TEX9: variants seen among roughly 807,000 people sequenced by gnomAD.
TEX9 encodes the protein testis expressed 9.
TEX9 carries 74 observed loss-of-function variants against 59.6 expected under a neutral mutation model. The ratio of observed to expected loss-of-function variants is 1.24; its 90% confidence interval spans 1.03 to 1.51. The LOEUF (loss-of-function observed/expected upper bound fraction) is 1.51, where lower values mean the gene tolerates loss of function less well. Ranked by LOEUF, TEX9 falls within the 40% of genes most tolerant of loss-of-function variation. The pLI is 0.00. For missense variants in TEX9, 522 were observed against 447.8 expected (o/e 1.17, Z -1.49); for synonymous variants, 186 against 152.2 (o/e 1.22, Z -1.64).
chr15:56,318,553 G>A (rs1489903719), intron 1 of TEX9, among the ~76,000 whole-genome samples: 6 of 151,884 alleles, frequency 4.0e-5, no homozygotes, highest in Non-Finnish European at 5.9e-5. Context: ...ATTTATGTCT[G>A]CTATTCTCCA....
intron 1 of TEX9, among the ~76,000 whole-genome samples, chr15:56,354,558 AT>A (rs2141889360): frequency 6.6e-6 from 1 of 152,348 alleles, no homozygotes; most frequent in South Asian, 2.1e-4. Context: ...AGATTATTAC[AT>A]AATAATAACA....
At chr15:56,245,873 C>CGT (rs142582150) in intron 1 of TEX9, among the ~76,000 whole-genome samples, 4 of 151,942 alleles carry the variant, frequency 2.6e-5, no homozygotes, top group Non-Finnish European at 5.9e-5. Flanking sequence ...TATATATATA[C>CGT]GTGTGTGTGT....
At chr15:56,315,860 T>G (rs1441245090) in intron 1 of TEX9, among the ~76,000 whole-genome samples, 1 of 150,148 alleles carries the variant, frequency 6.7e-6, no homozygotes, top group African/African-American at 2.4e-5. Flanking sequence ...CTTTTTATTA[T>G]TTTTTCTCTA....
intron 2 of TEX9, among the ~76,000 whole-genome samples, chr15:56,367,802 G>A (rs1241138069): frequency 2.6e-5 from 4 of 152,076 alleles, no homozygotes; most frequent in African/African-American, 9.7e-5. Flanking sequence ...TATATAATAA[G>A]TGGAATTTTT....
At chr15:56,273,093 A>G (rs1386350131) in intron 1 of TEX9, among the ~76,000 whole-genome samples, 1 of 151,972 alleles carries the variant, frequency 6.6e-6, no homozygotes, top group African/African-American at 2.4e-5. Context: ...AACTGGGACT[A>G]CAGGCATGTG....
intron 1 of TEX9, among the ~76,000 whole-genome samples, chr15:56,322,083 A>G (rs988329711): frequency 5.3e-5 from 8 of 152,142 alleles, no homozygotes; most frequent in African/African-American, 1.9e-4. Context: ...ATGTAAATTT[A>G]AAAATAAAGG....
Position 56,383,333 on chromosome 15 carries a change from G to T in TEX9, c.184-619G>T, listed in dbSNP as rs530542353. Among the ~76,000 whole-genome samples, 109 of 152,298 alleles carry T rather than the reference G, an allele frequency of 7.2e-4. 1 individual carries two copies. Among genetic ancestry groups the T allele is most frequent in the African/African-American group, 2.6e-3 (107 of 41,564 alleles). On this transcript the variant is annotated intron_variant, in intron 3 of 12. Transcript: ENST00000352903. ...AACCTTCTTCAATGCCTCTTTCAATGATATGAAGTTAAAACCAGGTACTGT... is the reference window on the plus strand; with the variant it reads ...AACCTTCTTCAATGCCTCTTTCAATTATATGAAGTTAAAACCAGGTACTGT...
chr15:56,383,853 C>A, intron 3 of TEX9, 99 bp from the exon 4 acceptor site: 1 of 827,764 alleles, frequency 1.2e-6, no homozygotes, highest in Non-Finnish European at 1.9e-6. Flanking sequence ...AAACCTTGGA[C>A]AATTCTGAAA....
At position 56,444,556 on chromosome 15, in the gene TEX9, C is replaced by G. The variant is rs777078063; in HGVS notation, c.*30-1115C>G. The G allele has an allele frequency of 2.2e-5, 36 of 1,612,508 alleles. No individual in the cohort carries two copies. The highest frequency in any genetic ancestry group is 5.0e-5 in the Admixed American group (3 of 59,900). Reference sequence around the variant, plus strand: ...TTTTCTTGTTCTTCAAGTTGTTTCTCTAAGTCAAGATAGTACTGTGCTTTC... The same window carrying G: ...TTTTCTTGTTCTTCAAGTTGTTTCTGTAAGTCAAGATAGTACTGTGCTTTC... On this transcript the variant is annotated intron_variant, in intron 12 of 12. Transcript: ENST00000352903.
At chr15:56,280,675 C>T (rs2044794527) in intron 1 of TEX9, among the ~76,000 whole-genome samples, 1 of 152,202 alleles carries the variant, frequency 6.6e-6, no homozygotes, top group Non-Finnish European at 1.5e-5. Flanking sequence ...TTTAATCTCA[C>T]AGAATTGACT....
At chr15:56,444,611 C>A in intron 12 of TEX9, 1 of 1,613,128 alleles carries the variant, frequency 6.2e-7, no homozygotes, top group Non-Finnish European at 8.5e-7. Flanking sequence ...CTGCAGCATT[C>A]TCTTCCTTTA....
At chr15:56,307,908 A>G (rs1285935105) in intron 1 of TEX9, among the ~76,000 whole-genome samples, 2 of 152,216 alleles carry the variant, frequency 1.3e-5, no homozygotes, top group African/African-American at 4.8e-5. Flanking sequence ...AGTTTGGATC[A>G]ATACATTTAT....
At chr15:56,329,655 G>T (rs1232023943) in intron 1 of TEX9, among the ~76,000 whole-genome samples, 3 of 152,048 alleles carry the variant, frequency 2.0e-5, no homozygotes, top group African/African-American at 7.2e-5. Flanking sequence ...ACATACTGAA[G>T]AATGCATCGA....
chr15:56,345,738 C>G (rs1447941600), intron 1 of TEX9, among the ~76,000 whole-genome samples: 4 of 152,144 alleles, frequency 2.6e-5, no homozygotes, highest in Non-Finnish European at 5.9e-5. Flanking sequence ...TAGTGTGACC[C>G]AGATTATGGT....
chr15:56,286,519 A>T (rs1029247300), intron 1 of TEX9, among the ~76,000 whole-genome samples: 2 of 152,296 alleles, frequency 1.3e-5, no homozygotes, highest in Non-Finnish European at 2.9e-5. Context: ...ATCCCCAGGC[A>T]CTAAACTGGC....
intron 1 of TEX9, among the ~76,000 whole-genome samples, chr15:56,247,544 C>T (rs12443429): frequency 0.19 from 29,614 of 151,998 alleles, 3,333 homozygotes; most frequent in East Asian, 0.44. Context: ...TGAAAGGGTA[C>T]TGTTTGCTGA....
At chr15:56,397,361 A>G (rs1244375130) in intron 9 of TEX9, 1 of 152,470 alleles carries the variant, frequency 6.6e-6, no homozygotes, top group African/African-American at 2.4e-5. Context: ...TGTTAAAGGC[A>G]TCCAGTTTTG....
intron 1 of TEX9, among the ~76,000 whole-genome samples, chr15:56,292,669 C>T (rs1579370): frequency 0.069 from 10,502 of 152,224 alleles, 457 homozygotes; most frequent in Non-Finnish European, 0.1. Flanking sequence ...TAGCTCACAG[C>T]TATACCCAGT....
the TEX9 span, among the ~76,000 whole-genome samples, chr15:56,455,556 A>C: frequency 1.5e-4 from 23 of 152,322 alleles, no homozygotes; most frequent in African/African-American, 5.3e-4. Flanking sequence ...CTATCGAAGT[A>C]AATTTCCAAT....
Sources: allele counts gnomAD v4.1 joint callset (sites outside exome capture counted in the v4.1 genomes callset), GRCh38; gene constraint gnomAD v4.1.1; transcripts MANE v1.5; gene names NCBI Gene and HGNC (gene_info 2026-07-23, HGNC 2026-07-21).